DPP10: variants seen among roughly 807,000 people sequenced by gnomAD.
The protein encoded by DPP10 is dipeptidyl peptidase like 10, also known as inactive dipeptidyl peptidase 10.
DPP10 carries 33 observed loss-of-function variants against 120.9 expected under a neutral mutation model. The observed-to-expected ratio is 0.27, with a 90% CI of 0.21 to 0.37. The LOEUF is 0.37. DPP10 is among the 10% of genes least tolerant of loss of function. DPP10 has a pLI of 1.00. For synonymous variants in DPP10, 337 were observed against 326.1 expected (o/e 1.03, Z -0.36); for missense variants, 816 against 942.8 (o/e 0.87, Z 1.76).
At chr2:114,602,704 A>G (rs1321587033) in intron 1 of DPP10, among the ~76,000 whole-genome samples, 1 of 152,046 alleles carries the variant, frequency 6.6e-6, no homozygotes, top group Admixed American at 6.6e-5. Context: ...GGGAGAGTGT[A>G]TTCTTCAATT....
chr2:114,818,516 C>T (rs1042445896), intron 1 of DPP10, among the ~76,000 whole-genome samples: 1 of 152,018 alleles, frequency 6.6e-6, no homozygotes, highest in African/African-American at 2.4e-5. Context: ...TTTCCTTAGG[C>T]GATTACAAGA....
intron 1 of DPP10, among the ~76,000 whole-genome samples, chr2:114,503,803 A>G (rs972738656): frequency 1.3e-5 from 2 of 152,102 alleles, no homozygotes; most frequent in Admixed American, 6.5e-5. Flanking sequence ...TTGATGCTGG[A>G]TTTTGTCTGA....
At chr2:115,684,074 G>T (rs2090832953) in intron 5 of DPP10, among the ~76,000 whole-genome samples, 1 of 151,754 alleles carries the variant, frequency 6.6e-6, no homozygotes, top group South Asian at 2.1e-4. Flanking sequence ...TCCTTTTAAG[G>T]TTATAGTGAA....
At chr2:115,788,512 A>G (rs76893902) in intron 17 of DPP10, among the ~76,000 whole-genome samples, 4,595 of 152,262 alleles carry the variant, frequency 0.03, 140 homozygotes, top group South Asian at 0.1. Flanking sequence ...AGTGAGAGAC[A>G]TGAAGAAAAA....
chr2:115,710,363 A>G (rs182853505), intron 7 of DPP10, among the ~76,000 whole-genome samples: 3 of 152,268 alleles, frequency 2.0e-5, no homozygotes, highest in African/African-American at 4.8e-5. Flanking sequence ...TGTGACAACT[A>G]TAACGACAAA....
intron 1 of DPP10, among the ~76,000 whole-genome samples, chr2:115,022,959 G>T (rs891500812): frequency 1.3e-5 from 2 of 152,134 alleles, no homozygotes; most frequent in African/African-American, 4.8e-5. Context: ...GCAGAAGAAT[G>T]AAACTGGATC....
At chr2:115,638,074 A>G (rs1248806025) in intron 5 of DPP10, among the ~76,000 whole-genome samples, 1 of 152,206 alleles carries the variant, frequency 6.6e-6, no homozygotes, top group Non-Finnish European at 1.5e-5. Flanking sequence ...TCTGAATAAG[A>G]TTTGTGAAAT....
intron 1 of DPP10, among the ~76,000 whole-genome samples, chr2:114,915,437 A>G (rs1694732589): frequency 6.6e-6 from 1 of 152,244 alleles, no homozygotes; most frequent in African/African-American, 2.4e-5. Context: ...GTTAGATATC[A>G]TCAGGCATAA....
chr2:114,910,785 A>C (rs895198104), intron 1 of DPP10, among the ~76,000 whole-genome samples: 5 of 152,188 alleles, frequency 3.3e-5, no homozygotes, highest in Non-Finnish European at 7.4e-5. Context: ...GCTCAAAAAA[A>C]TCCAGCACTA....
intron 1 of DPP10, among the ~76,000 whole-genome samples, chr2:114,662,398 C>T (rs547962818): frequency 1.3e-5 from 2 of 152,308 alleles, no homozygotes; most frequent in South Asian, 4.1e-4. Context: ...CCCGCGCCGC[C>T]CTGAGCACAG....
At chr2:115,369,167 T>G (rs895729469) in intron 3 of DPP10, among the ~76,000 whole-genome samples, 4 of 152,046 alleles carry the variant, frequency 2.6e-5, no homozygotes, top group African/African-American at 9.7e-5. Flanking sequence ...ATGATCAGAC[T>G]GCTACCCAGA....
intron 7 of DPP10, among the ~76,000 whole-genome samples, chr2:115,696,585 G>C (rs1430729177): frequency 1.3e-5 from 2 of 152,164 alleles, no homozygotes; most frequent in Non-Finnish European, 2.9e-5. Flanking sequence ...GTTACCACTA[G>C]ACCTGCCCTG....
chr2:115,071,907 C>A (rs1707398929), intron 1 of DPP10, among the ~76,000 whole-genome samples: 1 of 151,844 alleles, frequency 6.6e-6, no homozygotes, highest in Non-Finnish European at 1.5e-5. Flanking sequence ...GGCCAAATTT[C>A]TTGGCAATGA....
At chr2:114,790,746 C>T (rs1163486000) in intron 1 of DPP10, among the ~76,000 whole-genome samples, 1 of 152,112 alleles carries the variant, frequency 6.6e-6, no homozygotes, top group Admixed American at 6.6e-5. Flanking sequence ...AAGGTACTGT[C>T]ATCAGTTAAG....
chr2:115,649,997 T>A (rs1204333963), intron 5 of DPP10, among the ~76,000 whole-genome samples: 1 of 151,968 alleles, frequency 6.6e-6, no homozygotes, highest in African/African-American at 2.4e-5. Flanking sequence ...GCCAATTCAA[T>A]GAGTTTTTGG....
chr2:115,519,528 AGAG>A (rs1333012474), intron 4 of DPP10, among the ~76,000 whole-genome samples: 1 of 152,252 alleles, frequency 6.6e-6, no homozygotes, highest in Non-Finnish European at 1.5e-5. Flanking sequence ...AGCTAAGAAA[AGAG>A]AACATGAAAA....
At chr2:115,765,900 T>A (rs1388800468) in intron 12 of DPP10, among the ~76,000 whole-genome samples, 1 of 152,144 alleles carries the variant, frequency 6.6e-6, no homozygotes, top group Admixed American at 6.6e-5. Context: ...GTTACTTATA[T>A]TTTCATGAAT....
intron 5 of DPP10, among the ~76,000 whole-genome samples, chr2:115,674,031 G>C (rs529493017): frequency 6.6e-6 from 1 of 152,190 alleles, no homozygotes; most frequent in East Asian, 1.9e-4. Context: ...GACCAACAAG[G>C]AGAAACTCTG....
intron 1 of DPP10, among the ~76,000 whole-genome samples, chr2:114,845,222 G>A (rs1211100262): frequency 6.6e-6 from 1 of 152,110 alleles, no homozygotes. Flanking sequence ...GCTAACGGAT[G>A]AGACTCAATC....
Sources: gnomAD v4.1 joint callset for allele counts (sites outside exome capture counted in the v4.1 genomes callset) on GRCh38, gnomAD v4.1.1 for gene constraint, MANE v1.5 for transcripts, NCBI Gene and HGNC (gene_info 2026-07-23, HGNC 2026-07-21) for gene names.